TASP1: variants seen among roughly 807,000 people sequenced by gnomAD.
TASP1 encodes the protein taspase 1, also known as threonine aspartase 1.
TASP1 carries 16 observed loss-of-function variants against 56.6 expected under a neutral mutation model. The observed-to-expected ratio is 0.28, with a 90% CI of 0.19 to 0.43. TASP1 has a LOEUF of 0.43. Ranked by LOEUF, TASP1 falls within the 20% of genes least tolerant of loss-of-function variation. The pLI is 1.00. For synonymous variants in TASP1, 179 were observed against 184.2 expected (o/e 0.97, Z 0.23); for missense variants, 393 against 511.6 (o/e 0.77, Z 2.24).
the TASP1 span, among the ~76,000 whole-genome samples, chr20:13,255,941 T>C: frequency 2.0e-5 from 3 of 151,610 alleles, no homozygotes; most frequent in Non-Finnish European, 4.4e-5. Context: ...TTTTTTGGTG[T>C]GACTGCAGTT....
At chr20:13,165,863 G>A in the TASP1 span, 1 of 152,174 alleles carries the variant, frequency 6.6e-6, no homozygotes, top group Non-Finnish European at 1.5e-5. Context: ...CACTTGTTTA[G>A]GCCTATTAAA....
chr20:13,547,727 C>A (rs1421188861), intron 8 of TASP1, among the ~76,000 whole-genome samples: 1 of 152,062 alleles, frequency 6.6e-6, no homozygotes, highest in African/African-American at 2.4e-5. Context: ...CATGAAGATA[C>A]TGCAACAGTC....
At chr20:13,154,223 T>C in the TASP1 span, 6 of 1,542,074 alleles carry the variant, frequency 3.9e-6, 1 homozygote, top group South Asian at 6.1e-5. Context: ...AGATTATGCA[T>C]CTGGAATGGG....
At chr20:13,635,840 C>T (rs889289848) in intron 1 of TASP1, among the ~76,000 whole-genome samples, 13 of 152,196 alleles carry the variant, frequency 8.5e-5, no homozygotes, top group Admixed American at 4.6e-4. Context: ...AACCAAAACA[C>T]GCTCTGCAGG....
intron 12 of TASP1, among the ~76,000 whole-genome samples, chr20:13,424,701 G>A (rs4814234): frequency 0.61 from 93,133 of 151,850 alleles, 29,187 homozygotes; most frequent in Non-Finnish European, 0.68. Flanking sequence ...GTGACTAGTA[G>A]CTGTTTATAA....
At chr20:13,431,557 T>C (rs957643941) in intron 12 of TASP1, among the ~76,000 whole-genome samples, 1 of 152,112 alleles carries the variant, frequency 6.6e-6, no homozygotes, top group Non-Finnish European at 1.5e-5. Flanking sequence ...AGAAGGCAAA[T>C]GTTAATAATC....
chr20:13,193,727 C>T, the TASP1 span, among the ~76,000 whole-genome samples: 2 of 152,196 alleles, frequency 1.3e-5, no homozygotes, highest in African/African-American at 4.8e-5. Context: ...TCTTTTCATT[C>T]CATTTCCTTT....
At chr20:13,638,574 C>T (rs917758958) in intron 1 of TASP1, among the ~76,000 whole-genome samples, 3 of 152,218 alleles carry the variant, frequency 2.0e-5, no homozygotes, top group Non-Finnish European at 4.4e-5. Context: ...TGAGACATCT[C>T]CAGCCTGAGA....
At chr20:13,221,713 C>T in the TASP1 span, 32 of 1,313,594 alleles carry the variant, frequency 2.4e-5, no homozygotes, top group East Asian at 3.3e-5. Context: ...CTCCTCCTCC[C>T]CCGGCGTCAC....
intron 6 of TASP1, among the ~76,000 whole-genome samples, chr20:13,576,065 G>A (rs2046893530): frequency 6.6e-6 from 1 of 151,848 alleles, no homozygotes; most frequent in Admixed American, 6.6e-5. Context: ...AGCAGGGCAT[G>A]GTGGTGCATG....
intron 4 of TASP1, among the ~76,000 whole-genome samples, chr20:13,622,726 T>C (rs2048758924): frequency 1.3e-5 from 2 of 152,214 alleles, no homozygotes; most frequent in African/African-American, 2.4e-5. Flanking sequence ...CATGTCTTAC[T>C]TGATTCCCTA....
the TASP1 span, among the ~76,000 whole-genome samples, chr20:13,214,519 GCACACACACACACACACA>G: frequency 0.031 from 3,548 of 115,642 alleles, 171 homozygotes; most frequent in African/African-American, 0.11. Context: ...ACAGAGACAG[GCACACACACACACACACA>G]CACACACACA....
At chr20:13,620,552 T>C (rs2048677583) in intron 4 of TASP1, among the ~76,000 whole-genome samples, 1 of 152,200 alleles carries the variant, frequency 6.6e-6, no homozygotes, top group African/African-American at 2.4e-5. Context: ...TTTTAAAATA[T>C]GTTTATGTAT....
At chr20:13,229,148 CTCTT>C in the TASP1 span, among the ~76,000 whole-genome samples, 23,023 of 151,472 alleles carry the variant, frequency 0.15, 1,793 homozygotes, top group East Asian at 0.24. Context: ...CTCTCTCTCT[CTCTT>C]TCTGCATTTT....
intron 12 of TASP1, among the ~76,000 whole-genome samples, chr20:13,424,734 G>A (rs1046303045): frequency 6.6e-6 from 1 of 152,098 alleles, no homozygotes; most frequent in Non-Finnish European, 1.5e-5. Flanking sequence ...ATTGAAAAAT[G>A]CTTATGTTCT....
chr20:13,471,702 C>T (rs550958232), intron 11 of TASP1, among the ~76,000 whole-genome samples: 5 of 152,146 alleles, frequency 3.3e-5, no homozygotes, highest in South Asian at 2.1e-4. Context: ...AGTATAGCTC[C>T]GTTCCAAGAT....
chr20:13,619,757 G>A (rs1471023835), intron 4 of TASP1, among the ~76,000 whole-genome samples: 4 of 152,140 alleles, frequency 2.6e-5, no homozygotes, highest in African/African-American at 7.2e-5. Context: ...CTTCTCTGCT[G>A]TGAGTGAAAC....
chr20:13,280,764 C>T, the TASP1 span, among the ~76,000 whole-genome samples: 2 of 152,216 alleles, frequency 1.3e-5, no homozygotes, highest in Non-Finnish European at 2.9e-5. Context: ...ATGGCCCCAC[C>T]TTGGTGCAAG....
chr20:13,240,919 A>T, the TASP1 span, among the ~76,000 whole-genome samples: 1 of 152,204 alleles, frequency 6.6e-6, no homozygotes, highest in Non-Finnish European at 1.5e-5. Flanking sequence ...GACATGTGGA[A>T]TATGAGATGC....
Sources: gnomAD v4.1 joint callset for allele counts (sites outside exome capture counted in the v4.1 genomes callset) on GRCh38, gnomAD v4.1.1 for gene constraint, MANE v1.5 for transcripts, NCBI Gene and HGNC (gene_info 2026-07-23, HGNC 2026-07-21) for gene names.